The following LRP1B variants were observed in gnomAD, a reference collection of about 807,000 sequenced individuals.
The protein encoded by LRP1B is LDL receptor related protein 1B.
LRP1B carries 217 observed loss-of-function variants against 556.6 expected under a neutral mutation model. The observed-to-expected ratio is 0.39, with a 90% CI of 0.35 to 0.44. The LOEUF (loss-of-function observed/expected upper bound fraction) is 0.44, where lower values mean the gene tolerates loss of function less well. LRP1B is among the 20% of genes least tolerant of loss of function. The probability of loss-of-function intolerance (pLI) is 1.00; values close to 1 mark genes in which losing one functional copy is unlikely to be tolerated. For missense variants in LRP1B, 5,053 were observed against 5,620.8 expected (o/e 0.90, Z 3.23); for synonymous variants, 2,047 against 1,865.8 (o/e 1.10, Z -2.50).
intron 1 of LRP1B, among the ~76,000 whole-genome samples, chr2:142,017,365 C>T (rs76435023): frequency 0.059 from 8,936 of 151,996 alleles, 342 homozygotes; most frequent in East Asian, 0.17. Context: ...AATGTATTTA[C>T]GTAATATATT....
intron 3 of LRP1B, among the ~76,000 whole-genome samples, chr2:141,443,726 A>G (rs779313849): frequency 2.6e-5 from 4 of 152,160 alleles, no homozygotes; most frequent in Non-Finnish European, 4.4e-5. Flanking sequence ...TTTGTCAGAG[A>G]TCAGATGGTT....
intron 5 of LRP1B, among the ~76,000 whole-genome samples, chr2:141,242,898 T>G (rs1018636644): frequency 6.6e-6 from 1 of 152,104 alleles, no homozygotes; most frequent in African/African-American, 2.4e-5. Flanking sequence ...CCATTGACTA[T>G]TATTTTTACT....
chr2:142,103,901 C>A lies in LRP1B; in HGVS notation c.82+26747G>T, dbSNP rs547626318. 3.5e-3 allele frequency among the ~76,000 whole-genome samples: 529 copies of A among 152,170 alleles called. 2 individuals are homozygous for A. Among genetic ancestry groups the A allele is most frequent in the African/African-American group, 0.012 (481 of 41,530 alleles). On this transcript the variant is annotated intron_variant, in intron 1 of 90. Coordinates refer to ENST00000389484, the MANE Select transcript of LRP1B (RefSeq NM_018557.3). ...GCCAATCCAGGATTCATTAGCAGAA[C>A]GTGTCAGCTGTGTAAAACCTTCCTC...
At chr2:140,921,318 G>T (rs1694731113) in intron 21 of LRP1B, among the ~76,000 whole-genome samples, 1 of 151,744 alleles carries the variant, frequency 6.6e-6, no homozygotes, top group African/African-American at 2.4e-5. Flanking sequence ...TTTATATTTT[G>T]TTTTAACCAA....
chr2:141,912,506 T>A (rs1253149429), intron 1 of LRP1B, among the ~76,000 whole-genome samples: 1 of 151,514 alleles, frequency 6.6e-6, no homozygotes, highest in Non-Finnish European at 1.5e-5. Flanking sequence ...CAGGTATGAG[T>A]GAAAAGAAGA....
At chr2:140,783,376 A>AG (rs1689767855) in intron 32 of LRP1B, among the ~76,000 whole-genome samples, 1 of 151,790 alleles carries the variant, frequency 6.6e-6, no homozygotes. Flanking sequence ...GATATACAAA[A>AG]AAAAGTCTTG....
chr2:141,598,654 G>T (rs909929300), intron 2 of LRP1B, among the ~76,000 whole-genome samples: 3 of 152,066 alleles, frequency 2.0e-5, no homozygotes, highest in African/African-American at 7.2e-5. Flanking sequence ...GCAGAAAATT[G>T]CAGAAATAAT....
At chr2:141,789,232 G>T (rs999459875) in intron 2 of LRP1B, among the ~76,000 whole-genome samples, 2 of 151,892 alleles carry the variant, frequency 1.3e-5, no homozygotes, top group South Asian at 2.1e-4. Context: ...TAGGAGGGGG[G>T]TGTCCAGTTT....
At chr2:140,626,777 T>A (rs1454737467) in intron 41 of LRP1B, among the ~76,000 whole-genome samples, 1 of 147,830 alleles carries the variant, frequency 6.8e-6, no homozygotes, top group Non-Finnish European at 1.5e-5. Flanking sequence ...AAATATTCAA[T>A]AAAAGATTAA....
intron 41 of LRP1B, among the ~76,000 whole-genome samples, chr2:140,617,849 A>T (rs145776261): frequency 3.0e-4 from 45 of 152,134 alleles, no homozygotes; most frequent in African/African-American, 1.0e-3. Flanking sequence ...TAATTAGGAA[A>T]ATTTTAAAAA....
At chr2:141,306,226 ATTC>A (rs1268045578) in intron 3 of LRP1B, among the ~76,000 whole-genome samples, 1 of 152,088 alleles carries the variant, frequency 6.6e-6, no homozygotes, top group African/African-American at 2.4e-5. Context: ...ATTGGTACTC[ATTC>A]TTCTTTATAT....
intron 2 of LRP1B, among the ~76,000 whole-genome samples, chr2:141,624,334 C>T (rs538812429): frequency 4.5e-4 from 68 of 151,972 alleles, no homozygotes; most frequent in Non-Finnish European, 7.9e-4. Flanking sequence ...ATTTTATACA[C>T]GGTGAGAATG....
intron 59 of LRP1B, among the ~76,000 whole-genome samples, chr2:140,478,420 G>A (rs1688070956): frequency 1.3e-5 from 2 of 152,034 alleles, no homozygotes; most frequent in Admixed American, 6.6e-5. Context: ...AAGTGCTGTG[G>A]TTACAGGCGT....
intron 1 of LRP1B, among the ~76,000 whole-genome samples, chr2:142,043,746 A>G (rs1218647598): frequency 6.6e-6 from 1 of 151,650 alleles, no homozygotes; most frequent in Admixed American, 6.6e-5. Context: ...TATTCAAATA[A>G]TTAGCTTTTT....
chr2:142,093,129 G>T (rs1190688747), intron 1 of LRP1B, among the ~76,000 whole-genome samples: 2 of 151,988 alleles, frequency 1.3e-5, no homozygotes, highest in Non-Finnish European at 2.9e-5. Flanking sequence ...CGATTGCTTT[G>T]AAGTCTTTCT....
chr2:140,403,672 AAAGAG>A (rs1684605021), intron 66 of LRP1B, among the ~76,000 whole-genome samples: 1 of 152,176 alleles, frequency 6.6e-6, no homozygotes, highest in Non-Finnish European at 1.5e-5. Flanking sequence ...TTCTGAGAGA[AAAGAG>A]AAGGCTAAAA....
At chr2:140,233,470 A>C in intron 90 of LRP1B, 144 bp from the exon 91 acceptor site, 2 of 515,684 alleles carry the variant, frequency 3.9e-6, no homozygotes, top group Non-Finnish European at 6.4e-6. Context: ...TTTAAAGGTT[A>C]TTTACATGTT....
chr2:141,537,871 A>G (rs1274500611), intron 2 of LRP1B, among the ~76,000 whole-genome samples: 1 of 152,026 alleles, frequency 6.6e-6, no homozygotes, highest in Admixed American at 6.6e-5. Flanking sequence ...ATAAATATAT[A>G]CCTTTTCAGA....
intron 3 of LRP1B, among the ~76,000 whole-genome samples, chr2:141,258,508 TC>T (rs1244037587): frequency 6.6e-6 from 1 of 152,110 alleles, no homozygotes. Flanking sequence ...AGATATCATT[TC>T]ACAAATCAAA....
Sources: allele counts gnomAD v4.1 joint callset (sites outside exome capture counted in the v4.1 genomes callset), GRCh38; gene constraint gnomAD v4.1.1; transcripts MANE v1.5; gene names NCBI Gene and HGNC (gene_info 2026-07-23, HGNC 2026-07-21).